GOLGA8A: variants seen among roughly 807,000 people sequenced by gnomAD.
GOLGA8A encodes golgin subfamily A member 8A.
A neutral mutation model predicts 22.1 loss-of-function variants in GOLGA8A; 3 were observed. The ratio of observed to expected loss-of-function variants is 0.14; its 90% CI spans 0.06 to 0.35. GOLGA8A has a LOEUF of 0.35. Among genes scored for constraint, GOLGA8A ranks in the 10% least tolerant of loss-of-function variants. GOLGA8A has a pLI of 1.00. For synonymous variants in GOLGA8A, 7 were observed against 91.7 expected (o/e 0.08, Z 5.28); for missense variants, 16 against 233.2 (o/e 0.07, Z 6.07).
chr15:34,425,477 C>T (rs1433429875), intron 2 of GOLGA8A, among the ~76,000 whole-genome samples: 1 of 145,188 alleles, frequency 6.9e-6, no homozygotes, highest in Non-Finnish European at 1.5e-5. Context: ...AAAATCGAGA[C>T]TATCAAGTAT....
intron 2 of GOLGA8A, among the ~76,000 whole-genome samples, chr15:34,429,161 C>T (rs1893119299): frequency 6.8e-6 from 1 of 147,756 alleles, no homozygotes; most frequent in Non-Finnish European, 1.5e-5. Flanking sequence ...CTCAACACGC[C>T]CCTGACCGCG....
Position 34,435,492 on chromosome 15 carries a change from T to TA in GOLGA8A, c.-1211-22dup, listed in dbSNP as rs978070572. On this transcript the variant is annotated intron_variant, in intron 1 of 24. Transcript: ENST00000359187. ...TATTCCTGTAAAACATTTTTTTTTT[T>TA]AAAGTTTAGAGTTACTTAAGAAGGT... The TA allele has an allele frequency of 6.3e-4, 94 of 149,178 alleles. 7 individuals are homozygous for TA. The highest frequency in any genetic ancestry group is 2.2e-3 in the African/African-American group (91 of 40,452). 9.2% of individuals were successfully genotyped at this position (149,178 alleles called of 1,614,324 possible). A position where few individuals can be genotyped will look rare whatever the true frequency, so the allele number is the denominator to read the frequency against.
rs1595676785 is a variant in GOLGA8A, at chr15:34,437,774, A to C, written c.-1588T>G. On this transcript the variant is annotated 5_prime_UTR_variant, in exon 1 of 25. Transcript: ENST00000359187. ...CCGCAGAGCTCGCGCCTAGCCGCAC[A>C]CCTCGACTGCTGATTAGCCCGACAG... 6.7e-6 allele frequency among the ~76,000 whole-genome samples: 1 copy of C among 148,220 alleles called. No homozygotes were observed. Among genetic ancestry groups the C allele is most frequent in the East Asian group, 2.0e-4 (1 of 5,004 alleles).
rs149817587 is a variant in GOLGA8A at position 34,435,733 on chromosome 15, A to G, written c.-1211-262T>C. Reference sequence around the variant, plus strand: ...GGAGGAGCACAGACCACACTTCCTAACAAATGAGAGGGAAGACTTCGTGCC... The same window carrying G: ...GGAGGAGCACAGACCACACTTCCTAGCAAATGAGAGGGAAGACTTCGTGCC... On this transcript the variant is annotated intron_variant, in intron 1 of 24. Coordinates refer to ENST00000359187, the MANE Select transcript of GOLGA8A (RefSeq NM_181077.5). Among the ~76,000 whole-genome samples, 324 of 148,666 alleles carry G rather than the reference A, an allele frequency of 2.2e-3. 28 individuals carry two copies. Among genetic ancestry groups the G allele is most frequent in the Admixed American group, 5.2e-3 (77 of 14,692 alleles).
At position 34,381,614 on chromosome 15, in the gene GOLGA8A, C is replaced by T. The variant is rs750041235; in HGVS notation, c.1610-1G>A. The T allele has an allele frequency of 7.4e-7, 1 of 1,354,722 alleles. No individual in the cohort carries two copies. The highest frequency in any genetic ancestry group is 1.0e-6 in the Non-Finnish European group (1 of 965,182). 83.9% of individuals were successfully genotyped at this position (1,354,722 alleles called of 1,614,324 possible). ...TTGGTGAGGCTCGCCTCACAAAGAT[C>T]TTTGGAGAGAGGGAGGCGGGGATCT... On this transcript the variant is annotated splice_acceptor_variant, in intron 24 of 24. Coordinates refer to ENST00000359187, the MANE Select transcript of GOLGA8A (RefSeq NM_181077.5). LOFTEE classifies it high-confidence loss of function.
chr15:34,417,733 TG>T (rs1235981687), intron 2 of GOLGA8A: 2 of 147,372 alleles, frequency 1.4e-5, no homozygotes, highest in Non-Finnish European at 3.0e-5. Flanking sequence ...TCCGTACCAA[TG>T]GTATGCAGGG....
chr15:34,380,941 A>G lies in GOLGA8A; in HGVS notation c.*470T>C. The G allele has an allele frequency of 3.2e-6, 1 of 309,742 alleles. No individual in the cohort carries two copies. Among genetic ancestry groups the G allele is most frequent in the South Asian group, 2.9e-5 (1 of 35,054 alleles). 19.2% of individuals were successfully genotyped at this position (309,742 alleles called of 1,614,324 possible). A position where few individuals can be genotyped will look rare whatever the true frequency, so the allele number is the denominator to read the frequency against. ...CAGTGCACACTTGAGGGCAAACCGC[A>G]TATTGAGCTATAGAAGAGCTCACTG... On this transcript the variant is annotated 3_prime_UTR_variant, in exon 25 of 25. Transcript: ENST00000359187.
chr15:34,381,011 T>A lies in GOLGA8A; in HGVS notation c.*400A>T, dbSNP rs1891460773. 3 of 346,844 alleles carry A rather than the reference T, an allele frequency of 8.6e-6. No homozygotes were observed. Among genetic ancestry groups the A allele is most frequent in the South Asian group, 7.2e-5 (3 of 41,912 alleles). 21.5% of individuals were successfully genotyped at this position (346,844 alleles called of 1,614,324 possible). A position where few individuals can be genotyped will look rare whatever the true frequency, so the allele number is the denominator to read the frequency against. Reference sequence around the variant, plus strand: ...CATCATAGCAGAACATTAGCAAATTTTATCTGAATTCTGTAATGGACATCC... The same window carrying A: ...CATCATAGCAGAACATTAGCAAATTATATCTGAATTCTGTAATGGACATCC... On this transcript the variant is annotated 3_prime_UTR_variant, in exon 25 of 25. Coordinates refer to ENST00000359187, the MANE Select transcript of GOLGA8A (RefSeq NM_181077.5).
intron 2 of GOLGA8A, among the ~76,000 whole-genome samples, chr15:34,431,253 C>T (rs1265771003): frequency 8.8e-6 from 1 of 113,658 alleles, no homozygotes; most frequent in Non-Finnish European, 1.9e-5. Flanking sequence ...GCTGGAGAAT[C>T]AATTCCAGGA....
intron 2 of GOLGA8A, among the ~76,000 whole-genome samples, chr15:34,424,645 A>C (rs1892911912): frequency 8.1e-6 from 1 of 122,766 alleles, no homozygotes; most frequent in African/African-American, 3.1e-5. Flanking sequence ...ATGAAGCTCC[A>C]GTGATGGAGG....
In GOLGA8A at chr15:34,427,662, C is replaced by T. The variant is rs181038327; in HGVS notation, c.-1123+7721G>A. 9.3e-4 allele frequency among the ~76,000 whole-genome samples: 116 copies of T among 124,588 alleles called. 6 individuals are homozygous for T. The highest frequency in any genetic ancestry group is 2.5e-3 in the African/African-American group (93 of 36,510). The allele number at this position is 124,588 out of a possible 152,430, so 81.7% of individuals were successfully genotyped here. ...CTTCAAAAGGCAGCCTGCCAGCCAT[C>T]GGACTCCCAGGCACCTGTGGAGTCC... On this transcript the variant is annotated intron_variant, in intron 2 of 24. Coordinates refer to ENST00000359187, the MANE Select transcript of GOLGA8A (RefSeq NM_181077.5).
At chr15:34,431,282 GAAAAAA>G (rs1352458976) in intron 2 of GOLGA8A, among the ~76,000 whole-genome samples, 1 of 78,600 alleles carries the variant, frequency 1.3e-5, no homozygotes, top group East Asian at 4.4e-4. Flanking sequence ...CCAACCAAAT[GAAAAAA>G]AATTATATAT....
chr15:34,416,334 T>C (rs1892574903), intron 2 of GOLGA8A: 2 of 147,890 alleles, frequency 1.4e-5, no homozygotes, highest in East Asian at 4.2e-4. Flanking sequence ...GATACTCTTT[T>C]GTCCTCTCCC....
chr15:34,426,873 T>C (rs1893005512), intron 2 of GOLGA8A, among the ~76,000 whole-genome samples: 1 of 143,310 alleles, frequency 7.0e-6, no homozygotes, highest in Admixed American at 7.3e-5. Flanking sequence ...TAGCAACACC[T>C]CCATCTCAAA....
intron 2 of GOLGA8A, chr15:34,420,211 CAGA>C (rs1223747320): frequency 1.4e-5 from 2 of 146,390 alleles, no homozygotes; most frequent in East Asian, 2.1e-4. Context: ...CCGATTCTCC[CAGA>C]AGTTTTCCTC....
At chr15:34,427,821 G>A (rs1364339379) in intron 2 of GOLGA8A, among the ~76,000 whole-genome samples, 1 of 147,986 alleles carries the variant, frequency 6.8e-6, no homozygotes, top group Non-Finnish European at 1.5e-5. Context: ...TCAGGTCACC[G>A]GCCCAGCCCC....
chr15:34,431,841 C>G (rs349632), intron 2 of GOLGA8A, among the ~76,000 whole-genome samples: 1 of 147,574 alleles, frequency 6.8e-6, no homozygotes, highest in African/African-American at 2.5e-5. Context: ...ACAACTTTAC[C>G]ACAATGTCAC....
At position 34,437,494 on chromosome 15, in the gene GOLGA8A, C is replaced by CCGCTGCCGGGTCTCTCCCGGGG. The variant is rs1566916934; in HGVS notation, c.-1309_-1308insCCCCGGGAGAGACCCGGCAGCG. 8.5e-5 allele frequency: 7 copies of CCGCTGCCGGGTCTCTCCCGGGG among 82,684 alleles called. No individual in the cohort carries two copies. The highest frequency in any genetic ancestry group is 1.3e-4 in the Non-Finnish European group (5 of 39,738). The allele number at this position is 82,684 out of a possible 1,614,324, so 5.1% of individuals were successfully genotyped here. On this transcript the variant is annotated 5_prime_UTR_variant, in exon 1 of 25. Transcript: ENST00000359187. ...CCTCGCCGCGCCGCCGTCCTCGCCG[C>CCGCTGCCGGGTCTCTCCCGGGG]GCCGCCGTCCTCGCCGCGCCGCCGT...
intron 2 of GOLGA8A, chr15:34,420,124 A>G (rs979416440): frequency 1.3e-5 from 2 of 148,916 alleles, no homozygotes; most frequent in Non-Finnish European, 3.0e-5. Flanking sequence ...TGTATTTACC[A>G]TAATTTTTAA....
Sources: allele counts gnomAD v4.1 joint callset (sites outside exome capture counted in the v4.1 genomes callset), GRCh38; gene constraint gnomAD v4.1.1; transcripts MANE v1.5; gene names NCBI Gene and HGNC (gene_info 2026-07-23, HGNC 2026-07-21).